The following PPP6R3 variants were observed in gnomAD, a reference collection of about 807,000 sequenced individuals.
PPP6R3 encodes serine/threonine-protein phosphatase 6 regulatory subunit 3.
PPP6R3 carries 38 observed loss-of-function variants against 110.7 expected under a neutral mutation model. That is an observed-to-expected ratio of 0.34 (90% confidence interval 0.26 to 0.45). The LOEUF is 0.45. Among genes scored for constraint, PPP6R3 ranks in the 20% least tolerant of loss-of-function variants. The pLI is 1.00. For missense variants in PPP6R3, 870 were observed against 1,062.4 expected (o/e 0.82, Z 2.52); for synonymous variants, 369 against 373.5 (o/e 0.99, Z 0.14).
chr11:68,467,810 T>C (rs1023008234), intron 1 of PPP6R3, among the ~76,000 whole-genome samples: 1 of 152,250 alleles, frequency 6.6e-6, no homozygotes, highest in Admixed American at 6.5e-5. Context: ...ACTCTCAGTC[T>C]GTCGCCCAGG....
At position 68,605,625 on chromosome 11, in the gene PPP6R3, T is replaced by G. The variant is rs1360445541; in HGVS notation, c.2450+2133T>G. The stretch of plus-strand genomic sequence containing the variant: ...TAAAAAGCCAAACCATAAAGGAAAA[T>G]CTTGGTAAGTTTGACTTTAATTTCT... On this transcript the variant is annotated intron_variant, in intron 22 of 23. Coordinates refer to ENST00000393800, the MANE Select transcript of PPP6R3 (RefSeq NM_001164161.2). Among the ~76,000 whole-genome samples, 6 of 152,036 alleles carry G rather than the reference T, an allele frequency of 3.9e-5. No individual in the cohort carries two copies. In the East Asian group the frequency reaches 9.6e-4, roughly 24 times the overall value.
intron 5 of PPP6R3, among the ~76,000 whole-genome samples, chr11:68,548,847 A>G (rs1208873500): frequency 6.6e-6 from 1 of 152,138 alleles, no homozygotes; most frequent in Non-Finnish European, 1.5e-5. Context: ...GGTTTCTCCC[A>G]GGCTCCCATC....
At chr11:68,493,872 G>A (rs917414313) in intron 1 of PPP6R3, among the ~76,000 whole-genome samples, 43 of 151,216 alleles carry the variant, frequency 2.8e-4, no homozygotes, top group African/African-American at 9.9e-4. Flanking sequence ...GGAGGCTGAG[G>A]CGGGTGGATC....
chr11:68,536,563 C>T (rs1022599295), intron 2 of PPP6R3, among the ~76,000 whole-genome samples: 11 of 152,114 alleles, frequency 7.2e-5, no homozygotes, highest in African/African-American at 2.7e-4. Flanking sequence ...ACTGTGTGCC[C>T]GGCCCAAATA....
intron 13 of PPP6R3, among the ~76,000 whole-genome samples, chr11:68,575,394 C>T (rs1328254809): frequency 6.6e-6 from 1 of 152,180 alleles, no homozygotes; most frequent in Non-Finnish European, 1.5e-5. Context: ...TGTGTATCCA[C>T]GTTGGCCCAT....
chr11:68,486,277 G>T (rs1371384116), intron 1 of PPP6R3, among the ~76,000 whole-genome samples: 1 of 151,812 alleles, frequency 6.6e-6, no homozygotes, highest in Non-Finnish European at 1.5e-5. Context: ...TGGTATTATG[G>T]TTATGCTGAC....
intron 9 of PPP6R3, among the ~76,000 whole-genome samples, chr11:68,565,285 T>C (rs1417559526): frequency 6.6e-6 from 1 of 152,098 alleles, no homozygotes; most frequent in Non-Finnish European, 1.5e-5. Context: ...CAGATCATCT[T>C]TTCAGATACC....
At chr11:68,538,123 C>T (rs941201316) in intron 3 of PPP6R3, among the ~76,000 whole-genome samples, 1 of 152,150 alleles carries the variant, frequency 6.6e-6, no homozygotes, top group Non-Finnish European at 1.5e-5. Flanking sequence ...TCTGGAAAGG[C>T]AGCGTGCTTT....
chr11:68,480,315 C>T (rs1302730276), intron 1 of PPP6R3, among the ~76,000 whole-genome samples: 5 of 152,202 alleles, frequency 3.3e-5, no homozygotes, highest in African/African-American at 9.7e-5. Context: ...CTGCCATGCT[C>T]TAATTTGATG....
chr11:68,528,636 CA>C lies in PPP6R3; in HGVS notation c.-7+8986del, dbSNP rs531839570. On this transcript the variant is annotated intron_variant, in intron 2 of 23. Transcript: ENST00000393800. ...TTCCCTGGGCATTGAGCTTTGCTGT[CA>C]GGGGGAAGAGTTTCTCATTAACTTA... is the stretch of plus-strand genomic sequence containing the variant. 2.6e-3 allele frequency among the ~76,000 whole-genome samples: 390 copies of C among 152,276 alleles called. 1 individual carries two copies. The highest frequency in any genetic ancestry group is 4.6e-3 in the Non-Finnish European group (312 of 68,028).
intron 14 of PPP6R3, among the ~76,000 whole-genome samples, chr11:68,582,559 G>A (rs190934612): frequency 1.6e-4 from 24 of 152,358 alleles, no homozygotes; most frequent in Non-Finnish European, 1.5e-5. Context: ...TTTTCTTAGT[G>A]TGGGCAGGAA....
rs2099140039 is a variant in PPP6R3, at chr11:68,516,911, G to A, written c.-157-2590G>A. 2.6e-5 allele frequency among the ~76,000 whole-genome samples: 4 copies of A among 151,808 alleles called. 1 individual carries two copies. The South Asian group carries it at 8.3e-4, about 31-fold the overall frequency. On this transcript the variant is annotated intron_variant, in intron 1 of 23. Coordinates refer to ENST00000393800, the MANE Select transcript of PPP6R3 (RefSeq NM_001164161.2). ...CTATAGTAGCCATCCTAATGGATGTGATGTGTTACTTCACTTTTTTGTTTT... is the reference window on the plus strand; with the variant it reads ...CTATAGTAGCCATCCTAATGGATGTAATGTGTTACTTCACTTTTTTGTTTT...
At chr11:68,546,837 G>T (rs143008016) in intron 4 of PPP6R3, among the ~76,000 whole-genome samples, 1 of 152,142 alleles carries the variant, frequency 6.6e-6, no homozygotes, top group Non-Finnish European at 1.5e-5. Flanking sequence ...ATTCCTTTGG[G>T]CTCCAGGTTT....
At chr11:68,603,009 G>T (rs1280700918) in intron 21 of PPP6R3, among the ~76,000 whole-genome samples, 2 of 152,152 alleles carry the variant, frequency 1.3e-5, no homozygotes. Flanking sequence ...GGTAGAGTGT[G>T]TAACTGCCTG....
chr11:68,581,843 TTATC>T (rs2099555880), intron 14 of PPP6R3, among the ~76,000 whole-genome samples: 1 of 152,232 alleles, frequency 6.6e-6, no homozygotes, highest in Admixed American at 6.5e-5. Context: ...TGGGAGTGCT[TTATC>T]TATACCTTTG....
intron 2 of PPP6R3, among the ~76,000 whole-genome samples, chr11:68,536,759 G>A (rs77381812): frequency 0.015 from 2,213 of 152,302 alleles, 34 homozygotes; most frequent in Non-Finnish European, 0.022. Flanking sequence ...GGGTTACAGA[G>A]AGTCAGTATG....
chr11:68,465,392 C>A (rs2098738656), intron 1 of PPP6R3, among the ~76,000 whole-genome samples: 1 of 152,078 alleles, frequency 6.6e-6, no homozygotes, highest in Non-Finnish European at 1.5e-5. Context: ...AGATGAGATG[C>A]AGTGGTAGAG....
chr11:68,492,838 T>A (rs1371691221), intron 1 of PPP6R3, among the ~76,000 whole-genome samples: 1 of 152,196 alleles, frequency 6.6e-6, no homozygotes, highest in Non-Finnish European at 1.5e-5. Context: ...GCTTAAATCT[T>A]TCTGGCAGCA....
At position 68,501,669 on chromosome 11, in the gene PPP6R3, C is replaced by G. The variant is rs531837333; in HGVS notation, c.-157-17832C>G. Reference sequence around the variant, plus strand: ...AATGCGTGTGTATCCAGAGTTTAAACTGAAAGAGTTGTTTTCTTAATTCCA... The same window carrying G: ...AATGCGTGTGTATCCAGAGTTTAAAGTGAAAGAGTTGTTTTCTTAATTCCA... On this transcript the variant is annotated intron_variant, in intron 1 of 23. Transcript: ENST00000393800. 7.4e-4 allele frequency among the ~76,000 whole-genome samples: 113 copies of G among 152,170 alleles called. 1 individual carries two copies. Among genetic ancestry groups the G allele is most frequent in the Non-Finnish European group, 1.2e-3 (84 of 68,022 alleles).
Sources: gnomAD v4.1 joint callset for allele counts (sites outside exome capture counted in the v4.1 genomes callset) on GRCh38, gnomAD v4.1.1 for gene constraint, MANE v1.5 for transcripts, NCBI Gene and HGNC (gene_info 2026-07-23, HGNC 2026-07-21) for gene names.